The following CDIN1 variants were observed in gnomAD, a reference collection of about 807,000 sequenced individuals.
The protein encoded by CDIN1 is CDAN1 interacting nuclease 1.
A neutral mutation model predicts 45.3 loss-of-function variants in CDIN1; 33 were observed. The ratio of observed to expected loss-of-function variants is 0.73; its 90% CI spans 0.55 to 0.97. The LOEUF (loss-of-function observed/expected upper bound fraction) is 0.97. CDIN1 is among the 50% of genes least tolerant of loss of function. The pLI is 0.00. For synonymous variants in CDIN1, 118 were observed against 124.4 expected, an observed-to-expected ratio of 0.95 and a Z score of 0.34; for missense variants, 303 against 339.4, an observed-to-expected ratio of 0.89 and a Z score of 0.84.
intron 5 of CDIN1, among the ~76,000 whole-genome samples, chr15:36,681,153 T>G (rs1464960753): frequency 6.6e-6 from 1 of 152,098 alleles, no homozygotes; most frequent in Non-Finnish European, 1.5e-5. Flanking sequence ...TATTTGCATA[T>G]ATATATAAAC....
intron 10 of CDIN1, among the ~76,000 whole-genome samples, chr15:36,751,205 T>C (rs1039929393): frequency 8.0e-6 from 1 of 125,236 alleles, no homozygotes; most frequent in Non-Finnish European, 1.7e-5. Flanking sequence ...TTTTTATTGA[T>C]AAAAGCATAT....
chr15:36,584,495 G>A (rs944078087), intron 1 of CDIN1, among the ~76,000 whole-genome samples: 1 of 152,158 alleles, frequency 6.6e-6, no homozygotes, highest in African/African-American at 2.4e-5. Context: ...GAGCACTTGT[G>A]TACTGCATCT....
At chr15:36,713,425 TC>T (rs1187993318) in intron 10 of CDIN1, among the ~76,000 whole-genome samples, 1 of 152,164 alleles carries the variant, frequency 6.6e-6, no homozygotes, top group Non-Finnish European at 1.5e-5. Context: ...AATCTAAGCT[TC>T]TTGGCTGGAA....
chr15:36,596,135 C>A (rs1245532884), intron 1 of CDIN1, among the ~76,000 whole-genome samples: 2 of 148,444 alleles, frequency 1.3e-5, no homozygotes, highest in Non-Finnish European at 3.0e-5. Context: ...TAATTGCTAA[C>A]AAAAAATATA....
At chr15:36,610,379 C>T (rs139440573) in intron 1 of CDIN1, among the ~76,000 whole-genome samples, 1,738 of 152,228 alleles carry the variant, frequency 0.011, 15 homozygotes, top group Non-Finnish European at 0.017. Flanking sequence ...TAAATCTTTT[C>T]AGTTGTGTAA....
At chr15:36,764,657 G>C (rs1270911585) in intron 10 of CDIN1, among the ~76,000 whole-genome samples, 1 of 152,150 alleles carries the variant, frequency 6.6e-6, no homozygotes, top group Admixed American at 6.5e-5. Context: ...AATATCTGCA[G>C]CTGTCCCCTA....
chr15:36,646,301 G>A (rs1230112143), intron 3 of CDIN1, among the ~76,000 whole-genome samples: 1 of 152,128 alleles, frequency 6.6e-6, no homozygotes, highest in Non-Finnish European at 1.5e-5. Flanking sequence ...TATTGAACAG[G>A]AAAGTCACAG....
intron 1 of CDIN1, among the ~76,000 whole-genome samples, chr15:36,582,473 G>A (rs1326616298): frequency 6.6e-6 from 1 of 152,218 alleles, no homozygotes; most frequent in African/African-American, 2.4e-5. Flanking sequence ...TGAATACAGT[G>A]ACTACTAGTA....
At chr15:36,755,258 G>A (rs906691810) in intron 10 of CDIN1, among the ~76,000 whole-genome samples, 1 of 152,132 alleles carries the variant, frequency 6.6e-6, no homozygotes, top group Non-Finnish European at 1.5e-5. Context: ...GTGAATATTT[G>A]CCTGCTGTGA....
chr15:36,651,864 CA>C (rs1224494454), intron 3 of CDIN1, among the ~76,000 whole-genome samples: 3 of 152,148 alleles, frequency 2.0e-5, no homozygotes, highest in African/African-American at 7.2e-5. Context: ...TATATAGATA[CA>C]GAGGATTGTA....
intron 1 of CDIN1, among the ~76,000 whole-genome samples, chr15:36,622,449 G>A (rs2039242240): frequency 6.6e-6 from 1 of 152,202 alleles, no homozygotes; most frequent in Non-Finnish European, 1.5e-5. Context: ...GTGGACTTCT[G>A]TCATGGGGAG....
At chr15:36,798,927 G>GCAAA (rs1566982172) in intron 10 of CDIN1, 1 of 152,098 alleles carries the variant, frequency 6.6e-6, no homozygotes, top group African/African-American at 2.4e-5. Context: ...TGATTAACTG[G>GCAAA]CAAACACCAA....
chr15:36,709,096 A>T (rs2042965382), intron 8 of CDIN1, 127 bp from the exon 9 acceptor site: 1 of 643,240 alleles, frequency 1.6e-6, no homozygotes, highest in Non-Finnish European at 2.5e-6. Flanking sequence ...ACAGCACTGC[A>T]TGCATAAGAA....
intron 10 of CDIN1, among the ~76,000 whole-genome samples, chr15:36,794,635 C>A (rs2054743036): frequency 6.8e-6 from 1 of 147,266 alleles, no homozygotes; most frequent in African/African-American, 2.5e-5. Flanking sequence ...GGATTTTCCT[C>A]TTTTTTAAGA....
At chr15:36,689,464 G>C in intron 5 of CDIN1, among the ~76,000 whole-genome samples, 1 of 152,108 alleles carries the variant, frequency 6.6e-6, no homozygotes, top group East Asian at 1.9e-4. Context: ...CCATGACTGG[G>C]GTCCATACAG....
intron 1 of CDIN1, among the ~76,000 whole-genome samples, chr15:36,583,555 T>C (rs967440647): frequency 3.9e-5 from 6 of 152,234 alleles, no homozygotes; most frequent in Non-Finnish European, 7.3e-5. Flanking sequence ...TCTACAGTTT[T>C]ACCATACAGT....
rs146507965 is a variant in CDIN1, at chr15:36,787,109, G to C, written c.717-21215G>C. 9.1e-4 allele frequency among the ~76,000 whole-genome samples: 138 copies of C among 152,154 alleles called. 1 individual carries two copies. The highest frequency in any genetic ancestry group is 3.2e-3 in the African/African-American group (133 of 41,516). On this transcript the variant is annotated intron_variant, in intron 10 of 10. Transcript: ENST00000566621. ...TGTCATCAGATTCAATCTTTGTTTT[G>C]TTTTTATTTTTGTTTTTTATTTCCA... is the stretch of plus-strand genomic sequence containing the variant.
chr15:36,781,595 T>C (rs2141055171), intron 10 of CDIN1, among the ~76,000 whole-genome samples: 1 of 152,366 alleles, frequency 6.6e-6, no homozygotes, highest in Non-Finnish European at 1.5e-5. Flanking sequence ...GTTCTTGCTC[T>C]TTTGAAAATA....
chr15:36,655,908 C>G (rs1401697472), intron 4 of CDIN1, among the ~76,000 whole-genome samples: 1 of 151,922 alleles, frequency 6.6e-6, no homozygotes, highest in African/African-American at 2.4e-5. Context: ...TTTAGCTGAC[C>G]TCAGTTTCAG....
Sources: gnomAD v4.1 joint callset for allele counts (sites outside exome capture counted in the v4.1 genomes callset) on GRCh38, gnomAD v4.1.1 for gene constraint, MANE v1.5 for transcripts, NCBI Gene and HGNC (gene_info 2026-07-23, HGNC 2026-07-21) for gene names.